The following CUBN variants were observed in gnomAD, a reference collection of about 807,000 sequenced individuals.
CUBN encodes 460 kDa receptor.
A neutral mutation model predicts 405.3 loss-of-function variants in CUBN; 282 were observed. The observed-to-expected ratio is 0.70, with a 90% CI of 0.63 to 0.77. CUBN has a LOEUF of 0.77. CUBN is among the 30% of genes least tolerant of loss of function. The pLI is 0.00. For synonymous variants in CUBN, 1,684 were observed against 1,617.0 expected (o/e 1.04, Z -0.99); for missense variants, 4,514 against 4,475.2 (o/e 1.01, Z -0.25).
intron 15 of CUBN, among the ~76,000 whole-genome samples, chr10:17,087,214 T>C (rs1427950854): frequency 6.6e-6 from 1 of 152,170 alleles, no homozygotes; most frequent in Non-Finnish European, 1.5e-5. Flanking sequence ...TTTATGGTGA[T>C]AAAAAATACA....
At chr10:16,862,160 T>TCACACACACACACA (rs66664283) in intron 59 of CUBN, among the ~76,000 whole-genome samples, 67 of 131,204 alleles carry the variant, frequency 5.1e-4, no homozygotes, top group South Asian at 4.8e-3. Context: ...TCTCTCTCTC[T>TCACACACACACACA]CACACACACA....
rs146614473 is a variant in CUBN, at chr10:17,124,957, C to G, written c.388-1268G>C. Among the ~76,000 whole-genome samples the G allele has an allele frequency of 1.8e-4, 28 of 151,830 alleles. No individual in the cohort carries two copies. In the East Asian group the frequency reaches 5.5e-3, roughly 30 times the overall value. ...AGCGATTCTCATGCCTCAGCCTCCT[C>G]AGTAGCTGGGACTACAGGAATGTCC... On this transcript the variant is annotated intron_variant, in intron 4 of 66. Transcript: ENST00000377833.
At chr10:16,832,531 G>C (rs576153005) in intron 64 of CUBN, among the ~76,000 whole-genome samples, 1 of 152,286 alleles carries the variant, frequency 6.6e-6, no homozygotes, top group East Asian at 1.9e-4. Flanking sequence ...TCATCCACTA[G>C]TAGATGGGAG....
At chr10:16,977,733 G>C (rs1227958383) in intron 31 of CUBN, among the ~76,000 whole-genome samples, 1 of 152,182 alleles carries the variant, frequency 6.6e-6, no homozygotes, top group Non-Finnish European at 1.5e-5. Context: ...TAGGGCTCTG[G>C]GAGTTGTAGG....
Position 16,928,251 on chromosome 10 carries a change from A to T in CUBN, c.6177T>A (p.Pro2059=). 6.2e-7 allele frequency: 1 copy of T among 1,614,004 alleles called. No homozygotes were observed. Among genetic ancestry groups the T allele is most frequent in the African/African-American group, 1.3e-5 (1 of 75,048 alleles). ...QLAVLCGREI[P]GPIRSTGEYM... is the part of the protein sequence containing the mutation. Reference sequence around the variant, plus strand: ...ACTCTCCAGTAGACCGGATGGGCCCAGGGATCTCTCTGCCACAGAGAACTG... The same window carrying T: ...ACTCTCCAGTAGACCGGATGGGCCCTGGGATCTCTCTGCCACAGAGAACTG... Residue 2059 remains proline (P), a synonymous_variant, in exon 41 of 67, where the codon CCT becomes CCA. Transcript: ENST00000377833.
chr10:16,854,383 G>A (rs1403051424), intron 59 of CUBN, among the ~76,000 whole-genome samples: 1 of 152,188 alleles, frequency 6.6e-6, no homozygotes, highest in East Asian at 1.9e-4. Context: ...GTCAGACTGT[G>A]TTCTTTGGCT....
chr10:17,095,975 G>A (rs1319397975), intron 14 of CUBN, among the ~76,000 whole-genome samples: 1 of 152,106 alleles, frequency 6.6e-6, no homozygotes, highest in Non-Finnish European at 1.5e-5. Flanking sequence ...AGGAAATCCT[G>A]TCATTTGTGA....
intron 31 of CUBN, among the ~76,000 whole-genome samples, chr10:16,981,123 G>T (rs1833258176): frequency 1.3e-5 from 2 of 150,148 alleles, no homozygotes; most frequent in African/African-American, 2.4e-5. Context: ...GTTGCCTTTT[G>T]GCCTGCCCTG....
At chr10:17,109,349 A>G (rs1440621499) in intron 10 of CUBN, among the ~76,000 whole-genome samples, 1 of 152,224 alleles carries the variant, frequency 6.6e-6, no homozygotes, top group African/African-American at 2.4e-5. Flanking sequence ...CTTCAAAAGA[A>G]GGTGGCATTG....
chr10:16,902,479 A>G (rs983331324), intron 51 of CUBN, among the ~76,000 whole-genome samples: 2 of 151,684 alleles, frequency 1.3e-5, no homozygotes, highest in African/African-American at 4.8e-5. Context: ...ATTGAAAAAA[A>G]AATACATTTC....
rs1836052296 is a variant in CUBN at position 17,084,401 on chromosome 10, A to C, written c.2171T>G (p.Leu724Trp). The change falls in exon 17 of 67, where the codon TTG (leucine) becomes TGG (tryptophan). Residue 724 changes from leucine (L) to tryptophan (W), a missense_variant. This residue lies in a region of CUBN where 1,448 missense variants were observed against 1,388.0 expected (regional missense o/e 1.04). Transcript: ENST00000377833. ...CCTGGTGTGAGTGAAAGGCCCAGAC[A>C]ACTCAGGCAAGAAGAGTTCACCCTC... ...DPEGELFLPE[L>W]SGPFTHTRQC... 5 of 1,614,112 alleles carry C rather than the reference A, an allele frequency of 3.1e-6. No individual in the cohort carries two copies. The highest frequency in any genetic ancestry group is 4.2e-6 in the Non-Finnish European group (5 of 1,180,020).
chr10:16,841,467 A>C (rs753475390), intron 60 of CUBN, among the ~76,000 whole-genome samples: 13 of 152,070 alleles, frequency 8.5e-5, no homozygotes, highest in Non-Finnish European at 1.8e-4. Flanking sequence ...ATACTGTTAA[A>C]ATGTAAGTCA....
At chr10:16,959,346 C>T (rs1330474576) in intron 31 of CUBN, among the ~76,000 whole-genome samples, 2 of 152,118 alleles carry the variant, frequency 1.3e-5, no homozygotes, top group Non-Finnish European at 2.9e-5. Flanking sequence ...TCATTATTCT[C>T]AGGCTTCGTG....
chr10:17,051,705 G>T (rs1835271735), intron 22 of CUBN, among the ~76,000 whole-genome samples: 1 of 151,432 alleles, frequency 6.6e-6, no homozygotes, highest in Non-Finnish European at 1.5e-5. Flanking sequence ...AAGAAAAAAA[G>T]GTCAGTAAAC....
Position 17,115,548 on chromosome 10 carries a change from C to T in CUBN, c.643G>A (p.Asp215Asn). The T allele has an allele frequency of 2.5e-6, 4 of 1,614,178 alleles. No homozygotes were observed. Among genetic ancestry groups the T allele is most frequent in the Non-Finnish European group, 3.4e-6 (4 of 1,180,038 alleles). Reference protein sequence around the residue: ...TYGPQCASKYDDCEGGSVARC... With the variant: ...TYGPQCASKYNDCEGGSVARC... ...GCCACAGAACCCCCTTCACAGTCGT[C>T]ATATTTGGATGCACACTGGGGTCCG... Residue 215 changes from aspartate to asparagine, a missense_variant, in exon 7 of 67, where the codon GAC (aspartate) becomes AAC (asparagine). By Grantham distance (23) the Asp-to-Asn change is conservative. This residue lies in a region of CUBN where 1,448 missense variants were observed against 1,388.0 expected (regional missense o/e 1.04). Coordinates refer to ENST00000377833, the MANE Select transcript of CUBN (RefSeq NM_001081.4).
chr10:17,054,199 C>T (rs575530775), intron 22 of CUBN, among the ~76,000 whole-genome samples: 4 of 151,744 alleles, frequency 2.6e-5, no homozygotes, highest in South Asian at 4.2e-4. Context: ...GGCATGGTGG[C>T]GAGCGCCTGT....
At chr10:17,110,800 G>A in intron 9 of CUBN, 119 bp downstream of exon 9, 1 of 1,464,276 alleles carries the variant, frequency 6.8e-7, no homozygotes, top group Non-Finnish European at 9.5e-7. Flanking sequence ...TGGGATTACA[G>A]GCATGAGCAA....
chr10:16,975,998 G>T (rs1431325380), intron 31 of CUBN, among the ~76,000 whole-genome samples: 27 of 147,340 alleles, frequency 1.8e-4, no homozygotes, highest in Admixed American at 4.1e-4. Flanking sequence ...AACAGACAGG[G>T]TCTTGCTTGT....
At chr10:16,826,304 A>ATGCATATT (rs1221199913) in intron 66 of CUBN, among the ~76,000 whole-genome samples, 2 of 143,664 alleles carry the variant, frequency 1.4e-5, no homozygotes, top group African/African-American at 5.2e-5. Context: ...ACATATTTAC[A>ATGCATATT]TACATAAAAA....
Sources: gnomAD v4.1 joint callset for allele counts (sites outside exome capture counted in the v4.1 genomes callset) on GRCh38, gnomAD v4.1.1 for gene constraint, gnomAD v4.1.1 regional missense constraint, MANE v1.5 for transcripts, NCBI Gene and HGNC (gene_info 2026-07-23, HGNC 2026-07-21) for gene names.